PTPRR: variants seen among roughly 807,000 people sequenced by gnomAD.
PTPRR encodes the protein receptor-type tyrosine-protein phosphatase R.
PTPRR carries 38 observed loss-of-function variants against 77.2 expected under a neutral mutation model. The ratio of observed to expected loss-of-function variants is 0.49; its 90% confidence interval spans 0.38 to 0.65. The LOEUF is 0.65. Among genes scored for constraint, PTPRR ranks in the 30% least tolerant of loss-of-function variants. The pLI, the probability that PTPRR is intolerant of heterozygous loss-of-function variation, is 0.00. For synonymous variants in PTPRR, 299 were observed against 283.1 expected (o/e 1.06, Z -0.57); for missense variants, 744 against 799.2 (o/e 0.93, Z 0.83).
At chr12:70,767,344 A>G (rs1890851672) in intron 2 of PTPRR, among the ~76,000 whole-genome samples, 1 of 150,576 alleles carries the variant, frequency 6.6e-6, no homozygotes, top group African/African-American at 2.4e-5. Flanking sequence ...TGGAAAACAA[A>G]AAATTACAGG....
intron 2 of PTPRR, among the ~76,000 whole-genome samples, chr12:70,778,139 T>C (rs768920413): frequency 3.9e-5 from 6 of 152,320 alleles, no homozygotes; most frequent in South Asian, 2.1e-4. Flanking sequence ...GTGAATATAT[T>C]TGTGGTGCTT....
chr12:70,670,912 A>G (rs1422354488), intron 10 of PTPRR, among the ~76,000 whole-genome samples: 1 of 152,226 alleles, frequency 6.6e-6, no homozygotes, highest in South Asian at 2.1e-4. Context: ...TCAGCTATGT[A>G]TATTTTCATT....
intron 2 of PTPRR, among the ~76,000 whole-genome samples, chr12:70,840,954 G>A (rs2137059572): frequency 6.9e-6 from 1 of 144,004 alleles, no homozygotes; most frequent in Non-Finnish European, 1.5e-5. Flanking sequence ...CTGTCTTTCT[G>A]TCTTGAGTTT....
At chr12:70,824,450 C>T (rs1037243500) in intron 2 of PTPRR, among the ~76,000 whole-genome samples, 1 of 151,952 alleles carries the variant, frequency 6.6e-6, no homozygotes, top group Admixed American at 6.6e-5. Context: ...ATCAAGAAAC[C>T]ATGGTAGCTA....
intron 7 of PTPRR, 126 bp from the exon 8 acceptor site, chr12:70,698,475 C>A: frequency 1.5e-6 from 1 of 679,520 alleles, no homozygotes; most frequent in Non-Finnish European, 2.5e-6. Flanking sequence ...GATCTAGCAC[C>A]TCTGGTGGAC....
chr12:70,887,227 A>G lies in PTPRR; in HGVS notation c.357+5452T>C, dbSNP rs568956178. ...CACTTTGGGAGGCTGAGGCAGGTAGATCACTTGAGGTCAGGAGTTTGAGAC... is the reference window on the plus strand; with the variant it reads ...CACTTTGGGAGGCTGAGGCAGGTAGGTCACTTGAGGTCAGGAGTTTGAGAC... On this transcript the variant is annotated intron_variant, in intron 2 of 13. Coordinates refer to ENST00000283228, the MANE Select transcript of PTPRR (RefSeq NM_002849.4). 9.2e-5 allele frequency among the ~76,000 whole-genome samples: 14 copies of G among 152,278 alleles called. No individual in the cohort carries two copies. The East Asian group carries it at 2.1e-3, about 23-fold the overall frequency.
intron 2 of PTPRR, among the ~76,000 whole-genome samples, chr12:70,865,877 G>T (rs868466595): frequency 6.6e-6 from 1 of 151,978 alleles, no homozygotes; most frequent in Non-Finnish European, 1.5e-5. Flanking sequence ...AAGCCATGAC[G>T]CAACCACCTC....
At chr12:70,672,599 C>T (rs1887275929) in intron 10 of PTPRR, 2 of 1,454,974 alleles carry the variant, frequency 1.4e-6, no homozygotes, top group Non-Finnish European at 9.5e-7. Context: ...GACAGTGTAG[C>T]AGATGCACAC....
At chr12:70,735,160 G>A (rs1312717850) in intron 6 of PTPRR, among the ~76,000 whole-genome samples, 1 of 152,118 alleles carries the variant, frequency 6.6e-6, no homozygotes, top group Admixed American at 6.6e-5. Context: ...CATGTTTCCA[G>A]TGCCTCCCTC....
intron 2 of PTPRR, among the ~76,000 whole-genome samples, chr12:70,887,872 C>T (rs1893267849): frequency 6.6e-6 from 1 of 152,000 alleles, no homozygotes; most frequent in Non-Finnish European, 1.5e-5. Flanking sequence ...GCATTGATTC[C>T]TAGGATCCAT....
intron 2 of PTPRR, among the ~76,000 whole-genome samples, chr12:70,818,079 G>A (rs968682702): frequency 2.0e-5 from 3 of 151,856 alleles, no homozygotes; most frequent in Non-Finnish European, 4.4e-5. Context: ...GGATGTGGTG[G>A]TGCCTGCCTG....
intron 2 of PTPRR, among the ~76,000 whole-genome samples, chr12:70,802,208 A>G (rs1319999315): frequency 6.6e-6 from 1 of 152,240 alleles, no homozygotes; most frequent in African/African-American, 2.4e-5. Flanking sequence ...AATTATTTAT[A>G]AAATACAAGC....
At chr12:70,751,370 T>C (rs1012126448) in intron 5 of PTPRR, among the ~76,000 whole-genome samples, 1 of 152,150 alleles carries the variant, frequency 6.6e-6, no homozygotes, top group Non-Finnish European at 1.5e-5. Context: ...CACTGGGATA[T>C]TGCAGAAGCC....
In PTPRR at chr12:70,797,868, A is replaced by G. The variant is rs148814725; in HGVS notation, c.358-33090T>C. 4.4e-3 allele frequency among the ~76,000 whole-genome samples: 664 copies of G among 152,126 alleles called. 3 individuals are homozygous for G. Among genetic ancestry groups the G allele is most frequent in the Non-Finnish European group, 6.3e-3 (429 of 67,996 alleles). ...GATGATGCTTAGGGTTCCTGCCTGG[A>G]CACTTTCTATTTCTACTCTTTCTAT... On this transcript the variant is annotated intron_variant, in intron 2 of 13. Transcript: ENST00000283228.
intron 2 of PTPRR, among the ~76,000 whole-genome samples, chr12:70,879,091 A>G (rs10879208): frequency 0.68 from 102,493 of 151,712 alleles, 35,783 homozygotes; most frequent in African/African-American, 0.86. Flanking sequence ...ATCACACACC[A>G]GGGCCTGTTG....
At chr12:70,741,592 C>A (rs753839434) in intron 6 of PTPRR, among the ~76,000 whole-genome samples, 1 of 152,010 alleles carries the variant, frequency 6.6e-6, no homozygotes, top group Non-Finnish European at 1.5e-5. Context: ...AAATTTGAGT[C>A]CTGTCATGGG....
intron 2 of PTPRR, among the ~76,000 whole-genome samples, chr12:70,804,027 G>A (rs975947933): frequency 1.3e-5 from 2 of 151,940 alleles, no homozygotes; most frequent in South Asian, 4.1e-4. Flanking sequence ...TGGCATTTTG[G>A]AGGTTTAGAA....
intron 2 of PTPRR, among the ~76,000 whole-genome samples, chr12:70,876,009 G>A (rs11178462): frequency 0.18 from 27,188 of 151,946 alleles, 3,057 homozygotes; most frequent in East Asian, 0.4. Context: ...GAACAACAAT[G>A]AACTACTCCT....
At chr12:70,710,411 T>TA (rs1272563556) in intron 6 of PTPRR, among the ~76,000 whole-genome samples, 9 of 152,228 alleles carry the variant, frequency 5.9e-5, no homozygotes, top group African/African-American at 2.2e-4. Context: ...CAAGATGGCT[T>TA]AAACGCTTAA....
Sources: allele counts gnomAD v4.1 joint callset (sites outside exome capture counted in the v4.1 genomes callset), GRCh38; gene constraint gnomAD v4.1.1; transcripts MANE v1.5; gene names NCBI Gene and HGNC (gene_info 2026-07-23, HGNC 2026-07-21).